Variants in CDH4 observed in about 807,000 individuals in gnomAD.
CDH4 encodes the protein cadherin 4, also known as cadherin-4.
In CDH4, 33 loss-of-function variants were observed where a neutral mutation model predicts 86.0. The ratio of observed to expected loss-of-function variants is 0.38; its 90% CI spans 0.29 to 0.51. The LOEUF is 0.51. Ranked by LOEUF, CDH4 falls within the 20% of genes least tolerant of loss-of-function variation. The pLI, the probability that CDH4 is intolerant of heterozygous loss-of-function variation, is 0.86. For missense variants in CDH4, 1,114 were observed against 1,307.4 expected (o/e 0.85, Z 2.28); for synonymous variants, 555 against 549.4 (o/e 1.01, Z -0.14).
rs746551916 is a variant in CDH4, at chr20:61,873,713, C to T, written c.878-15C>T. On this transcript the variant is annotated splice_polypyrimidine_tract_variant and intron_variant, in intron 6 of 15. Transcript: ENST00000614565. The stretch of plus-strand genomic sequence containing the variant: ...TGGCAGGCCATCCCCATCTGAGCTG[C>T]TGTCTCCGTTCCAGGCACCTACGTG... 8.7e-6 allele frequency: 14 copies of T among 1,609,276 alleles called. No homozygotes were observed. The highest frequency in any genetic ancestry group is 1.7e-5 in the Admixed American group (1 of 59,850).
At chr20:61,426,115 A>T (rs946320395) in intron 2 of CDH4, among the ~76,000 whole-genome samples, 4 of 152,372 alleles carry the variant, frequency 2.6e-5, no homozygotes, top group Admixed American at 1.3e-4. Flanking sequence ...AATTTTATGA[A>T]AAAAGCAATA....
chr20:61,432,833 ATTTT>A (rs36067606), intron 2 of CDH4, among the ~76,000 whole-genome samples: 79 of 101,704 alleles, frequency 7.8e-4, no homozygotes, highest in African/African-American at 2.6e-3. Context: ...TAAATCCATG[ATTTT>A]TTTTTTTTTT....
intron 2 of CDH4, among the ~76,000 whole-genome samples, chr20:61,621,511 GA>G (rs2086777047): frequency 6.6e-6 from 1 of 152,204 alleles, no homozygotes; most frequent in Admixed American, 6.5e-5. Context: ...CAGTCAATCA[GA>G]GTAACAAAGT....
intron 2 of CDH4, among the ~76,000 whole-genome samples, chr20:61,682,939 G>T (rs2087533443): frequency 6.6e-6 from 1 of 152,044 alleles, no homozygotes; most frequent in Non-Finnish European, 1.5e-5. Flanking sequence ...TTGTGAAAAT[G>T]CATTCAGTGA....
intron 2 of CDH4, among the ~76,000 whole-genome samples, chr20:61,669,208 C>T (rs2087359957): frequency 6.6e-6 from 1 of 152,222 alleles, no homozygotes; most frequent in South Asian, 2.1e-4. Flanking sequence ...GGACAGGCTT[C>T]CCCAAAGACA....
At chr20:61,385,788 C>A (rs959346405) in intron 2 of CDH4, among the ~76,000 whole-genome samples, 2 of 152,032 alleles carry the variant, frequency 1.3e-5, no homozygotes, top group Non-Finnish European at 2.9e-5. Flanking sequence ...AAGCCGTACT[C>A]CCCTCCTGCC....
chr20:61,771,265 C>A (rs1176700124), intron 3 of CDH4, among the ~76,000 whole-genome samples: 1 of 151,710 alleles, frequency 6.6e-6, no homozygotes, highest in Non-Finnish European at 1.5e-5. Flanking sequence ...CTGTCTTGAC[C>A]TCCCAAAGTG....
chr20:61,436,824 C>T (rs1304197232), intron 2 of CDH4, among the ~76,000 whole-genome samples: 1 of 152,206 alleles, frequency 6.6e-6, no homozygotes, highest in African/African-American at 2.4e-5. Context: ...TAAAACCACC[C>T]AGGGGCCAAC....
At chr20:61,605,068 A>T (rs2207541) in intron 2 of CDH4, among the ~76,000 whole-genome samples, 144 of 152,074 alleles carry the variant, frequency 9.5e-4, no homozygotes, top group Non-Finnish European at 1.7e-3. Flanking sequence ...CCTGTTTTCA[A>T]GTCTCCATCA....
chr20:61,461,459 ACTCGGCTTCCG>A (rs772593858), intron 2 of CDH4, among the ~76,000 whole-genome samples: 15 of 152,150 alleles, frequency 9.9e-5, no homozygotes, highest in Non-Finnish European at 2.1e-4. Flanking sequence ...ATTAAAAGTG[ACTCGGCTTCCG>A]CTGGAAGGAA....
intron 3 of CDH4, among the ~76,000 whole-genome samples, chr20:61,759,792 C>T (rs2088610553): frequency 6.6e-6 from 1 of 152,168 alleles, no homozygotes; most frequent in South Asian, 2.1e-4. Context: ...AGACCCGAGA[C>T]GCCTGTGGTT....
intron 2 of CDH4, among the ~76,000 whole-genome samples, chr20:61,403,380 G>T (rs774205939): frequency 7.9e-5 from 12 of 151,990 alleles, no homozygotes; most frequent in Non-Finnish European, 1.6e-4. Flanking sequence ...ATTTTTTCTG[G>T]AGCTGCTGAG....
chr20:61,616,370 T>C (rs2086725291), intron 2 of CDH4, among the ~76,000 whole-genome samples: 1 of 152,142 alleles, frequency 6.6e-6, no homozygotes, highest in South Asian at 2.1e-4. Context: ...GACGTCAGTC[T>C]CTGGAGGACT....
intron 2 of CDH4, among the ~76,000 whole-genome samples, chr20:61,372,302 C>T (rs1369854324): frequency 6.6e-6 from 1 of 152,222 alleles, no homozygotes; most frequent in Admixed American, 6.5e-5. Flanking sequence ...CAGAGGCAGC[C>T]GCAATGGGAC....
At chr20:61,604,223 GTGAC>G (rs1358077906) in intron 2 of CDH4, among the ~76,000 whole-genome samples, 1 of 152,252 alleles carries the variant, frequency 6.6e-6, no homozygotes, top group Non-Finnish European at 1.5e-5. Flanking sequence ...TCCTGAGTCA[GTGAC>G]TGTCTCCGGA....
intron 2 of CDH4, among the ~76,000 whole-genome samples, chr20:61,690,405 C>T (rs2087640491): frequency 6.6e-6 from 1 of 152,138 alleles, no homozygotes; most frequent in Non-Finnish European, 1.5e-5. Context: ...ACTCTGAGTC[C>T]ATTGCCTCAG....
intron 2 of CDH4, among the ~76,000 whole-genome samples, chr20:61,677,111 C>T (rs1254013135): frequency 6.6e-6 from 1 of 152,238 alleles, no homozygotes; most frequent in African/African-American, 2.4e-5. Flanking sequence ...CGGTAGGGAG[C>T]CTTGGAGTTG....
At chr20:61,923,089 C>T (rs1361257347) in intron 9 of CDH4, among the ~76,000 whole-genome samples, 1 of 152,256 alleles carries the variant, frequency 6.6e-6, no homozygotes, top group Non-Finnish European at 1.5e-5. Context: ...GAGCCTTCCC[C>T]ACACTAGGCT....
At chr20:61,616,191 C>T (rs1347353492) in intron 2 of CDH4, among the ~76,000 whole-genome samples, 3 of 152,334 alleles carry the variant, frequency 2.0e-5, no homozygotes, top group South Asian at 2.1e-4. Flanking sequence ...CCAGCACTGC[C>T]GTCTCTGACC....
Sources: allele counts gnomAD v4.1 joint callset (sites outside exome capture counted in the v4.1 genomes callset), GRCh38; gene constraint gnomAD v4.1.1; transcripts MANE v1.5; gene names NCBI Gene and HGNC (gene_info 2026-07-23, HGNC 2026-07-21).